RALGAPA2: variants seen among roughly 807,000 people sequenced by gnomAD.
The protein encoded by RALGAPA2 is Ral GTPase activating protein catalytic subunit alpha 2.
RALGAPA2 carries 139 observed loss-of-function variants against 230.4 expected under a neutral mutation model. That is an observed-to-expected ratio of 0.60 (90% CI 0.53 to 0.69). The LOEUF is 0.69. RALGAPA2 is among the 30% of genes least tolerant of loss of function. The probability of loss-of-function intolerance (pLI) is 0.00; values close to 1 mark genes in which losing one functional copy is unlikely to be tolerated. For synonymous variants in RALGAPA2, 847 were observed against 837.8 expected, an observed-to-expected ratio of 1.01 and a Z score of -0.19; for missense variants, 2,163 against 2,276.0, an observed-to-expected ratio of 0.95 and a Z score of 1.01.
intron 37 of RALGAPA2, among the ~76,000 whole-genome samples, chr20:20,465,229 G>C (rs920273393): frequency 6.9e-5 from 10 of 144,798 alleles, no homozygotes; most frequent in African/African-American, 2.1e-4. Context: ...CAGCAGAATG[G>C]ACACAAGGCC....
intron 1 of RALGAPA2, among the ~76,000 whole-genome samples, chr20:20,685,540 AAC>A (rs1439973880): frequency 2.6e-5 from 4 of 152,244 alleles, no homozygotes; most frequent in Non-Finnish European, 4.4e-5. Flanking sequence ...TGCCCAAGGT[AAC>A]ACAGCCTGTT....
At chr20:20,657,868 T>C (rs2067643381) in intron 3 of RALGAPA2, among the ~76,000 whole-genome samples, 1 of 152,252 alleles carries the variant, frequency 6.6e-6, no homozygotes, top group Admixed American at 6.5e-5. Flanking sequence ...ACATACCCAC[T>C]GTTCTTCAGG....
intron 37 of RALGAPA2, among the ~76,000 whole-genome samples, chr20:20,447,497 G>C (rs1297810324): frequency 6.6e-6 from 1 of 152,194 alleles, no homozygotes; most frequent in East Asian, 1.9e-4. Context: ...AGCCCTGGCA[G>C]ATGTCCTGTC....
intron 37 of RALGAPA2, among the ~76,000 whole-genome samples, chr20:20,467,793 C>A (rs1008297464): frequency 1.3e-5 from 2 of 152,178 alleles, no homozygotes; most frequent in Admixed American, 1.3e-4. Flanking sequence ...AGAACGCAAC[C>A]TTGTGCAGCT....
At chr20:20,546,221 T>C (rs910455138) in intron 24 of RALGAPA2, among the ~76,000 whole-genome samples, 1 of 152,244 alleles carries the variant, frequency 6.6e-6, no homozygotes, top group African/African-American at 2.4e-5. Flanking sequence ...CAAAGTATTC[T>C]GGCATGTTAT....
intron 39 of RALGAPA2, among the ~76,000 whole-genome samples, chr20:20,394,072 C>A (rs976674428): frequency 1.3e-5 from 2 of 152,202 alleles, no homozygotes; most frequent in Non-Finnish European, 2.9e-5. Context: ...GTTTCCACAT[C>A]TTCCTCCCTG....
chr20:20,502,061 A>G (rs1602564454), intron 35 of RALGAPA2, among the ~76,000 whole-genome samples: 1 of 152,364 alleles, frequency 6.6e-6, no homozygotes, highest in East Asian at 1.9e-4. Flanking sequence ...TAATAATAAT[A>G]GAAATATTGT....
At chr20:20,403,681 G>C (rs1231072506) in intron 38 of RALGAPA2, among the ~76,000 whole-genome samples, 1 of 152,212 alleles carries the variant, frequency 6.6e-6, no homozygotes, top group Non-Finnish European at 1.5e-5. Context: ...GAGTTGCGCT[G>C]TTTCTCCAGC....
At chr20:20,509,943 T>A (rs1327622897) in intron 33 of RALGAPA2, among the ~76,000 whole-genome samples, 2 of 152,168 alleles carry the variant, frequency 1.3e-5, no homozygotes, top group African/African-American at 4.8e-5. Flanking sequence ...TGGGTTTATA[T>A]CCAATTCAAG....
intron 30 of RALGAPA2, 119 bp from the exon 31 acceptor site, chr20:20,521,219 G>T: frequency 1.3e-6 from 1 of 748,710 alleles, no homozygotes; most frequent in Non-Finnish European, 2.1e-6. Flanking sequence ...GCTGGAAATG[G>T]AATGACCACT....
intron 37 of RALGAPA2, among the ~76,000 whole-genome samples, chr20:20,422,498 G>A (rs1444532100): frequency 6.6e-6 from 1 of 152,098 alleles, no homozygotes; most frequent in Non-Finnish European, 1.5e-5. Flanking sequence ...TTGAGCCTGG[G>A]AAGTTGAGGC....
At chr20:20,660,184 C>T (rs2067725535) in intron 3 of RALGAPA2, among the ~76,000 whole-genome samples, 1 of 151,518 alleles carries the variant, frequency 6.6e-6, no homozygotes, top group African/African-American at 2.4e-5. Context: ...GCTGATATTG[C>T]ACCACCGCAC....
In RALGAPA2 at chr20:20,444,475, C is replaced by G. The variant is rs545223343; in HGVS notation, c.5495+28354G>C. 3.9e-5 allele frequency among the ~76,000 whole-genome samples: 6 copies of G among 152,212 alleles called. No individual in the cohort carries two copies. The South Asian group carries it at 1.2e-3, about 32-fold the overall frequency. ...ACACACACGCACAGACACACACACA[C>G]AGTACACAGAAGTATAAAGCTCAAT... On this transcript the variant is annotated intron_variant, in intron 37 of 39. Coordinates refer to ENST00000202677, the MANE Select transcript of RALGAPA2 (RefSeq NM_020343.4).
At position 20,511,405 on chromosome 20, in the gene RALGAPA2, A is replaced by AATACCTATCAT. The variant is rs569919499; in HGVS notation, c.4857-91_4857-81dup. On this transcript the variant is annotated intron_variant, in intron 32 of 39. Transcript: ENST00000202677. Reference sequence around the variant, plus strand: ...GCTTTTCAATCAGTAATTTAATAAAAATACCTATCATCCATCCTCTACCAC... The same window carrying AATACCTATCAT: ...GCTTTTCAATCAGTAATTTAATAAAAATACCTATCATATACCTATCATCCATCCTCTACCAC... 1,424 of 1,488,322 alleles carry AATACCTATCAT rather than the reference A, an allele frequency of 9.6e-4. 17 individuals are homozygous for AATACCTATCAT. In the African/African-American group the frequency reaches 0.019, roughly 19 times the overall value. The allele number at this position is 1,488,322 out of a possible 1,614,324, so 92.2% of individuals were successfully genotyped here. A position where few individuals can be genotyped will look rare whatever the true frequency, so the allele number is the denominator to read the frequency against.
chr20:20,494,712 C>A (rs898928098), intron 36 of RALGAPA2, among the ~76,000 whole-genome samples: 1 of 152,240 alleles, frequency 6.6e-6, no homozygotes, highest in African/African-American at 2.4e-5. Context: ...CGACACCAGG[C>A]AAGGCTGGAT....
intron 38 of RALGAPA2, among the ~76,000 whole-genome samples, chr20:20,411,278 T>C (rs2060054400): frequency 6.6e-6 from 1 of 152,222 alleles, no homozygotes; most frequent in Non-Finnish European, 1.5e-5. Context: ...TGCAGAAATT[T>C]ACAAGTAATA....
intron 13 of RALGAPA2, among the ~76,000 whole-genome samples, chr20:20,615,742 A>G (rs1219941995): frequency 6.6e-6 from 1 of 151,866 alleles, no homozygotes; most frequent in Admixed American, 6.6e-5. Context: ...GCTTATGGTG[A>G]GTATTATAAA....
intron 37 of RALGAPA2, among the ~76,000 whole-genome samples, chr20:20,416,666 T>A (rs2060171650): frequency 1.3e-5 from 2 of 152,246 alleles, no homozygotes; most frequent in Non-Finnish European, 2.9e-5. Flanking sequence ...GCTGACTTTA[T>A]AAAATACAAC....
chr20:20,683,981 C>T (rs1012517517), intron 1 of RALGAPA2, among the ~76,000 whole-genome samples: 3 of 152,204 alleles, frequency 2.0e-5, no homozygotes, highest in African/African-American at 7.2e-5. Flanking sequence ...TGAGCACATG[C>T]AGAGTGCGCC....
Sources: allele counts gnomAD v4.1 joint callset (sites outside exome capture counted in the v4.1 genomes callset), GRCh38; gene constraint gnomAD v4.1.1; transcripts MANE v1.5; gene names NCBI Gene and HGNC (gene_info 2026-07-23, HGNC 2026-07-21).